Variants in PAK4 observed in about 807,000 individuals in gnomAD.
PAK4 encodes serine/threonine-protein kinase PAK 4.
PAK4 carries 49 observed loss-of-function variants against 53.5 expected under a neutral mutation model. The ratio of observed to expected loss-of-function variants is 0.92; its 90% CI spans 0.73 to 1.16. The LOEUF is 1.16. Ranked by LOEUF, PAK4 falls within the 50% of genes most tolerant of loss-of-function variation. The pLI is 0.00. For synonymous variants in PAK4, 376 were observed against 375.6 expected (o/e 1.00, Z -0.01); for missense variants, 824 against 850.7 (o/e 0.97, Z 0.39).
At chr19:39,159,712 G>A (rs1182891698) in intron 1 of PAK4, among the ~76,000 whole-genome samples, 2 of 152,204 alleles carry the variant, frequency 1.3e-5, no homozygotes, top group African/African-American at 4.8e-5. Context: ...TGAAGGAAGA[G>A]GAAGGGATAA....
At chr19:39,140,488 C>T (rs1178125799) in intron 1 of PAK4, among the ~76,000 whole-genome samples, 17 of 152,190 alleles carry the variant, frequency 1.1e-4, no homozygotes, top group Admixed American at 8.5e-4. Context: ...GCCACCTCTA[C>T]GGTCCCGGGA....
At position 39,173,519 on chromosome 19, in the gene PAK4, G is replaced by A. The variant is rs1029918769; in HGVS notation, c.664-57G>A. 152 of 1,430,740 alleles carry A rather than the reference G, an allele frequency of 1.1e-4. No individual in the cohort carries two copies. The highest frequency in any genetic ancestry group is 1.6e-4 in the Admixed American group (7 of 43,378). The allele number at this position is 1,430,740 out of a possible 1,614,324, so 88.6% of individuals were successfully genotyped here. On this transcript the variant is annotated intron_variant, in intron 3 of 8. Coordinates refer to ENST00000358301, the Ensembl canonical transcript of PAK4. This position sits in a 1 kb window ranked among gnomAD's most constrained non-coding sequence, Gnocchi z 6.9. Reference sequence around the variant, plus strand: ...CATCGCTGGGTCTCTCTCCTGCTTAGGGAGCAGAGCTGCTCCCTGGCACCC... The same window carrying A: ...CATCGCTGGGTCTCTCTCCTGCTTAAGGAGCAGAGCTGCTCCCTGGCACCC...
At chr19:39,142,551 C>T (rs538928233) in intron 1 of PAK4, among the ~76,000 whole-genome samples, 5 of 151,858 alleles carry the variant, frequency 3.3e-5, no homozygotes, top group Non-Finnish European at 5.9e-5. Flanking sequence ...AGGCTCGGGT[C>T]CCCCCTTCCC....
rs1415452930 is a variant in PAK4 at position 39,173,484 on chromosome 19, G to C, written c.664-92G>C. The C allele has an allele frequency of 7.4e-7, 1 of 1,343,934 alleles. No individual in the cohort carries two copies. Among genetic ancestry groups the C allele is most frequent in the East Asian group, 2.4e-5 (1 of 41,984 alleles). 83.3% of individuals were successfully genotyped at this position (1,343,934 alleles called of 1,614,324 possible). On this transcript the variant is annotated intron_variant, in intron 3 of 8. Transcript: ENST00000358301. The surrounding 1 kb of genome is among the most constrained non-coding windows in gnomAD (Gnocchi z 6.9). ...CGTGCATCTCATCCTGACCACCCAT[G>C]TGTCTGTCCCATCGCTGGGTCTCTC...
chr19:39,166,620 G>C (rs186015731), intron 1 of PAK4, among the ~76,000 whole-genome samples: 1 of 152,206 alleles, frequency 6.6e-6, no homozygotes, highest in African/African-American at 2.4e-5. Context: ...AGGGCCAGTC[G>C]TGGCAGCCCT....
chr19:39,140,601 A>T (rs1309041988), intron 1 of PAK4, among the ~76,000 whole-genome samples: 2 of 152,166 alleles, frequency 1.3e-5, no homozygotes, highest in African/African-American at 4.8e-5. Context: ...CGAATATTAC[A>T]TTGCAAGAGC....
chr19:39,172,661 G>A (rs1245721202), intron 2 of PAK4, among the ~76,000 whole-genome samples: 2 of 152,138 alleles, frequency 1.3e-5, no homozygotes, highest in African/African-American at 4.8e-5. Context: ...AAAAACAAGG[G>A]GGGCCTCTCC....
At position 39,161,086 on chromosome 19, in the gene PAK4, C is replaced by G. The variant is rs2074276518; in HGVS notation, c.-22-8446C>G. 6.6e-6 allele frequency among the ~76,000 whole-genome samples: 1 copy of G among 152,234 alleles called. No individual in the cohort carries two copies. Among genetic ancestry groups the G allele is most frequent in the South Asian group, 2.1e-4 (1 of 4,834 alleles). On this transcript the variant is annotated intron_variant, in intron 1 of 8. Coordinates refer to ENST00000358301, the Ensembl canonical transcript of PAK4. This position sits in a 1 kb window ranked among gnomAD's most constrained non-coding sequence, Gnocchi z 4.5. Reference sequence around the variant, plus strand: ...AGGAAGAGGACTCCCCACCCAGCACCCAGCACTGTTTAGAGGGCTCCGCGT... The same window carrying G: ...AGGAAGAGGACTCCCCACCCAGCACGCAGCACTGTTTAGAGGGCTCCGCGT...
chr19:39,174,135 C>G (rs2074553974), intron 4 of PAK4, 125 bp downstream of exon 5: 9 of 677,444 alleles, frequency 1.3e-5, no homozygotes, highest in Non-Finnish European at 2.3e-5. Flanking sequence ...TCCCCTCACT[C>G]TTCTCCCTCC....
downstream of PAK4, chr19:39,179,448 G>A (rs371652458): frequency 1.5e-4 from 22 of 151,716 alleles, no homozygotes; most frequent in African/African-American, 4.8e-4. Context: ...CTGCCCGGCT[G>A]TCTTGGGTGG....
chr19:39,179,212 G>T (rs1478570208), exon 9 of PAK4: 1 of 152,590 alleles, frequency 6.6e-6, no homozygotes, highest in African/African-American at 2.4e-5. Flanking sequence ...CTCTTTTCTA[G>T]AAGTCTATTT....
chr19:39,133,204 G>C (rs562861789), intron 1 of PAK4, among the ~76,000 whole-genome samples: 1 of 152,230 alleles, frequency 6.6e-6, no homozygotes, highest in African/African-American at 2.4e-5. Flanking sequence ...TAAAATGAGG[G>C]TGCTAATGAT....
At chr19:39,181,100 TTTTTTTGTTTTTTG>T (rs924877554), downstream of PAK4, 1 of 152,216 alleles carries the variant, frequency 6.6e-6, no homozygotes, top group Non-Finnish European at 1.5e-5. Context: ...TTGTTTTGAG[TTTTTTTGTTTTTTG>T]TTTTTTGTTT....
At chr19:39,140,865 AG>A (rs767578930) in intron 1 of PAK4, among the ~76,000 whole-genome samples, 3 of 152,122 alleles carry the variant, frequency 2.0e-5, no homozygotes, top group Non-Finnish European at 2.9e-5. Context: ...GCTGCCTCCC[AG>A]GGTTGCTGGG....
Position 39,173,408 on chromosome 19 carries a change from G to T in PAK4, c.663+32G>T. The T allele has an allele frequency of 6.8e-7, 1 of 1,464,028 alleles. No individual in the cohort carries two copies. Among genetic ancestry groups the T allele is most frequent in the Non-Finnish European group, 9.1e-7 (1 of 1,098,348 alleles). The allele number at this position is 1,464,028 out of a possible 1,614,324, so 90.7% of individuals were successfully genotyped here. ...CATCCCCCGCCCCAGGGCCCCCACTGTCCCCTGCCCGTTGCTCCTCTGTCC... is the reference window on the plus strand; with the variant it reads ...CATCCCCCGCCCCAGGGCCCCCACTTTCCCCTGCCCGTTGCTCCTCTGTCC... On this transcript the variant is annotated intron_variant, in intron 3 of 8. Coordinates refer to ENST00000358301, the Ensembl canonical transcript of PAK4. The surrounding 1 kb of genome is among the most constrained non-coding windows in gnomAD (Gnocchi z 6.9).
chr19:39,167,687 C>T lies in PAK4; in HGVS notation c.-22-1845C>T, dbSNP rs183726234. ...CAGGTTGGCTGCCGGGCCCCCACCCCCCTCCCACGGGGCTCCCGCTGCCAA... is the reference window on the plus strand; with the variant it reads ...CAGGTTGGCTGCCGGGCCCCCACCCTCCTCCCACGGGGCTCCCGCTGCCAA... On this transcript the variant is annotated intron_variant, in intron 1 of 8. Coordinates refer to ENST00000358301, the Ensembl canonical transcript of PAK4. Among the ~76,000 whole-genome samples, 233 of 152,248 alleles carry T rather than the reference C, an allele frequency of 1.5e-3. 1 individual carries two copies. The highest frequency in any genetic ancestry group is 5.2e-3 in the African/African-American group (218 of 41,556).
intron 1 of PAK4, among the ~76,000 whole-genome samples, chr19:39,144,645 C>A (rs956725101): frequency 6.6e-6 from 1 of 152,172 alleles, no homozygotes; most frequent in Non-Finnish European, 1.5e-5. Context: ...GGCATGAGTC[C>A]GAGGGCTCAG....
At position 39,173,075 on chromosome 19, in the gene PAK4, C is replaced by T. The variant is rs374813703; in HGVS notation, c.362C>T (p.Pro121Leu). ...CAGGAAAATGGGATGCCAGAGGAGCCGGCCACCACGGCCAGAGGGGGCCCA... is the reference window on the plus strand; with the variant it reads ...CAGGAAAATGGGATGCCAGAGGAGCTGGCCACCACGGCCAGAGGGGGCCCA... The change falls in exon 3 of 9, where the codon CCG (proline) becomes CTG (leucine). Residue 121 changes from proline to leucine, a missense_variant. By Grantham distance (98) the Pro-to-Leu change is moderately conservative (BLOSUM62 -3). Around this residue, in one of 2 missense-constraint regions of PAK4, gnomAD observed 478 missense variants for 435.8 expected, o/e 1.10. Transcript: ENST00000358301. The surrounding 1 kb of genome is among the most constrained non-coding windows in gnomAD (Gnocchi z 6.9). The T allele has an allele frequency of 1.2e-5, 18 of 1,548,616 alleles. No homozygotes were observed. The highest frequency in any genetic ancestry group is 1.4e-5 in the Non-Finnish European group (16 of 1,146,678).
chr19:39,148,171 C>A (rs1011627415), intron 1 of PAK4, among the ~76,000 whole-genome samples: 4 of 151,282 alleles, frequency 2.6e-5, no homozygotes, highest in Admixed American at 2.6e-4. Context: ...AGGCTGGTCT[C>A]GAACTCCTGA....
Sources: gnomAD v4.1 joint callset for allele counts (sites outside exome capture counted in the v4.1 genomes callset) on GRCh38, gnomAD v4.1.1 for gene constraint, gnomAD v4.1.1 regional missense constraint, Gnocchi (gnomAD v3.1) non-coding constraint, MANE v1.5 for transcripts, NCBI Gene and HGNC (gene_info 2026-07-23, HGNC 2026-07-21) for gene names.